Variants in ERCC5 observed in about 807,000 individuals in gnomAD.
ERCC5 encodes DNA excision repair protein ERCC-5.
A neutral mutation model predicts 105.6 loss-of-function variants in ERCC5; 68 were observed. That is an observed-to-expected ratio of 0.64 (90% confidence interval 0.53 to 0.79). The LOEUF (loss-of-function observed/expected upper bound fraction) is 0.79, where lower values mean the gene tolerates loss of function less well. ERCC5 is among the 30% of genes least tolerant of loss of function. ERCC5 has a pLI of 0.00. For missense variants in ERCC5, 1,373 were observed against 1,426.7 expected (o/e 0.96, Z 0.61); for synonymous variants, 546 against 526.2 (o/e 1.04, Z -0.51).
intron 5 of ERCC5, among the ~76,000 whole-genome samples, chr13:102,856,636 A>G (rs1436185255): frequency 6.6e-6 from 1 of 152,138 alleles, no homozygotes; most frequent in African/African-American, 2.4e-5. Context: ...TCTGGGTTCC[A>G]GGGGTAGATG....
Position 102,865,292 on chromosome 13 carries a change from A to G in ERCC5, c.1955-375A>G, listed in dbSNP as rs4771437. ...GTCACAGCTTTATTCTGTGCTGTGT[A>G]AATAGCATAAAAACATACTGAGCAA... On this transcript the variant is annotated intron_variant, in intron 8 of 14. Coordinates refer to ENST00000652225, the MANE Select transcript of ERCC5 (RefSeq NM_000123.4). This position sits in a 1 kb window ranked among gnomAD's most constrained non-coding sequence, Gnocchi z 4.0. 1 allele frequency: 322,687 copies of G among 323,030 alleles called. 161,173 individuals are homozygous for G. The highest frequency in any genetic ancestry group is 1 in the Middle Eastern group (898 of 898). The allele number at this position is 323,030 out of a possible 1,614,324, so 20.0% of individuals were successfully genotyped here.
Position 102,866,737 on chromosome 13 carries a change from G to A in ERCC5, c.2425G>A (p.Asp809Asn). The A allele has an allele frequency of 1.4e-5, 22 of 1,614,250 alleles. No homozygotes were observed. The highest frequency in any genetic ancestry group is 1.9e-5 in the Non-Finnish European group (22 of 1,180,042). Residue 809 changes from aspartate (D) to asparagine (N), a missense_variant, in exon 11 of 15, where the codon GAT becomes AAT. Around this residue, in one of 3 missense-constraint regions of ERCC5, gnomAD observed 1,004 missense variants for 1,059.7 expected, o/e 0.95. Transcript: ENST00000652225. ...LTDQTSGTITDDSDIWLFGAR... is the reference protein window; with the variant it reads ...LTDQTSGTITNDSDIWLFGAR... Reference sequence around the variant, plus strand: ...TGATCAGACTTCCGGAACCATCACTGATGACAGTGATATCTGGCTGTTTGG... The same window carrying A: ...TGATCAGACTTCCGGAACCATCACTAATGACAGTGATATCTGGCTGTTTGG...
At chr13:102,864,554 C>T (rs1566469997) in intron 8 of ERCC5, among the ~76,000 whole-genome samples, 3 of 152,120 alleles carry the variant, frequency 2.0e-5, no homozygotes, top group Non-Finnish European at 4.4e-5. Flanking sequence ...GCCATTGGGG[C>T]TCCTTCTAAT....
At chr13:102,872,717 A>G (rs370141824) in intron 13 of ERCC5, among the ~76,000 whole-genome samples, 1 of 152,174 alleles carries the variant, frequency 6.6e-6, no homozygotes, top group Non-Finnish European at 1.5e-5. Flanking sequence ...AAGCCACTGC[A>G]TCTGGCCCCT....
At chr13:102,868,826 C>T (rs1882936373) in intron 12 of ERCC5, among the ~76,000 whole-genome samples, 1 of 152,232 alleles carries the variant, frequency 6.6e-6, no homozygotes, top group African/African-American at 2.4e-5. Context: ...CAGAGTCGTG[C>T]TATACTCGGG....
chr13:102,849,973 C>T (rs1335789292), intron 1 of ERCC5, among the ~76,000 whole-genome samples: 1 of 151,690 alleles, frequency 6.6e-6, no homozygotes, highest in African/African-American at 2.4e-5. Flanking sequence ...ACAGAGTCTC[C>T]CTCTGTTACG....
intron 1 of ERCC5, among the ~76,000 whole-genome samples, chr13:102,846,617 A>T (rs1057372404): frequency 7.2e-5 from 11 of 152,276 alleles, no homozygotes; most frequent in Admixed American, 3.3e-4. Flanking sequence ...TTTGCATATA[A>T]ACTACCCACT....
In ERCC5 at chr13:102,862,830, C is replaced by T; in HGVS notation, c.1681C>T (p.Leu561Phe). 1 of 1,614,238 alleles carries T rather than the reference C, an allele frequency of 6.2e-7. No homozygotes were observed. Among genetic ancestry groups the T allele is most frequent in the East Asian group, 2.2e-5 (1 of 44,888 alleles). Residue 561 changes from leucine to phenylalanine, a missense_variant, in exon 8 of 15, where the codon CTT (leucine) becomes TTT (phenylalanine). Around this residue, in one of 3 missense-constraint regions of ERCC5, gnomAD observed 1,004 missense variants for 1,059.7 expected, o/e 0.95. Coordinates refer to ENST00000652225, the MANE Select transcript of ERCC5 (RefSeq NM_000123.4). ...TGAGAGTAAATTCGATTCTTCTCTT[C>T]TTTCAAGTGATGATGAAACAAAATG... ...PYESKFDSSLLSSDDETKCKP... is the reference protein window; with the variant it reads ...PYESKFDSSLFSSDDETKCKP...
In ERCC5 at chr13:102,868,795, A is replaced by T. The variant is rs4150346; in HGVS notation, c.2678+538A>T. Among the ~76,000 whole-genome samples, 716 of 152,338 alleles carry T rather than the reference A, an allele frequency of 4.7e-3. 8 individuals are homozygous for T. The highest frequency in any genetic ancestry group is 0.016 in the African/African-American group (665 of 41,568). On this transcript the variant is annotated intron_variant, in intron 12 of 14. Coordinates refer to ENST00000652225, the MANE Select transcript of ERCC5 (RefSeq NM_000123.4). ...AATCCCGTGACGTGTTCAGTGGTGA[A>T]GTCTTGCTCCATCCAGAACCCAGAG... is the stretch of plus-strand genomic sequence containing the variant.
Position 102,865,650 on chromosome 13 carries a change from T to C in ERCC5, c.1955-17T>C, listed in dbSNP as rs1882805305. ...TGTTTTGATTGTAGATGAAGTGACC[T>C]TTTAATTTTGGTACAGGAAGTTTCA... On this transcript the variant is annotated splice_polypyrimidine_tract_variant and intron_variant, in intron 8 of 14. Transcript: ENST00000652225. The surrounding 1 kb of genome is among the most constrained non-coding windows in gnomAD (Gnocchi z 4.0). 1.2e-6 allele frequency: 2 copies of C among 1,612,398 alleles called. No individual in the cohort carries two copies. The highest frequency in any genetic ancestry group is 8.5e-7 in the Non-Finnish European group (1 of 1,179,450).
intron 4 of ERCC5, among the ~76,000 whole-genome samples, chr13:102,854,747 C>G (rs557246608): frequency 6.6e-6 from 1 of 152,348 alleles, no homozygotes; most frequent in Admixed American, 6.5e-5. Flanking sequence ...CCATGACATT[C>G]TTGTTGCTAA....
At position 102,862,866 on chromosome 13, in the gene ERCC5, T is replaced by G. The variant is rs1329145386; in HGVS notation, c.1717T>G (p.Ser573Ala). Residue 573 changes from serine to alanine, a missense_variant, in exon 8 of 15, where the codon TCT (serine) becomes GCT (alanine). Ser to Ala is a moderately conservative substitution (Grantham distance 99, BLOSUM62 1). Transcript: ENST00000652225. ...SDDETKCKPN[S>A]ASEVIGPVSL... ...TGATGAAACAAAATGTAAACCGAAT[T>G]CTGCTTCTGAAGTCATTGGCCCTGT... 1 of 1,614,234 alleles carries G rather than the reference T, an allele frequency of 6.2e-7. No individual in the cohort carries two copies.
intron 5 of ERCC5, among the ~76,000 whole-genome samples, chr13:102,857,307 C>G (rs1349594631): frequency 6.6e-6 from 1 of 152,214 alleles, no homozygotes; most frequent in Non-Finnish European, 1.5e-5. Flanking sequence ...TCAGTCCAGG[C>G]TCCACTGTTC....
rs755909273 is a variant in ERCC5 at position 102,856,146 on chromosome 13, C to G, written c.528+34C>G. ...ATCATTTTTGAATTCAGAATGTATT[C>G]TGTTATTTGAAATGAATGACATGAA... On this transcript the variant is annotated intron_variant, in intron 5 of 14. Coordinates refer to ENST00000652225, the MANE Select transcript of ERCC5 (RefSeq NM_000123.4). 3 of 1,585,302 alleles carry G rather than the reference C, an allele frequency of 1.9e-6. No homozygotes were observed. The African/African-American group carries it at 4.0e-5, about 21-fold the overall frequency.
chr13:102,868,182 C>A lies in ERCC5; in HGVS notation c.2603C>A (p.Thr868Asn), dbSNP rs1268601442. The A allele has an allele frequency of 9.3e-6, 15 of 1,614,050 alleles. No homozygotes were observed. The highest frequency in any genetic ancestry group is 1.7e-5 in the Admixed American group (1 of 60,008). Residue 868 changes from threonine to asparagine, a missense_variant, in exon 12 of 15, where the codon ACT becomes AAT. Transcript: ENST00000652225. ...LGSDYTEGIPTVGCVTAMEIL... is the reference protein window; with the variant it reads ...LGSDYTEGIPNVGCVTAMEIL... ...AGTGATTATACCGAAGGAATACCAA[C>A]TGTGGGTTGTGTAACCGCCATGGAA...
At chr13:102,864,126 C>CCACAGACACA (rs1032920813) in intron 8 of ERCC5, among the ~76,000 whole-genome samples, 35 of 140,976 alleles carry the variant, frequency 2.5e-4, no homozygotes, top group African/African-American at 9.1e-4. Flanking sequence ...AGAGAATCAA[C>CCACAGACACA]CACACACACA....
At chr13:102,855,026 G>C (rs1001953240) in intron 4 of ERCC5, among the ~76,000 whole-genome samples, 3 of 152,060 alleles carry the variant, frequency 2.0e-5, no homozygotes, top group African/African-American at 7.2e-5. Context: ...CTTAGCTTTT[G>C]TATCAGCTCA....
Position 102,865,602 on chromosome 13 carries a change from T to C in ERCC5, c.1955-65T>C. ...TTTTCAGGTTCCTCCAGAAAGCTCT[T>C]GATGATTGCAGGATCATTTTAATGT... On this transcript the variant is annotated intron_variant, in intron 8 of 14. Coordinates refer to ENST00000652225, the MANE Select transcript of ERCC5 (RefSeq NM_000123.4). The surrounding 1 kb of genome is among the most constrained non-coding windows in gnomAD (Gnocchi z 4.0). 1 of 1,597,818 alleles carries C rather than the reference T, an allele frequency of 6.3e-7. No homozygotes were observed. Among genetic ancestry groups the C allele is most frequent in the Non-Finnish European group, 8.5e-7 (1 of 1,172,462 alleles).
At position 102,865,945 on chromosome 13, in the gene ERCC5, T is replaced by C; in HGVS notation, c.2199+34T>C. 2 of 1,613,832 alleles carry C rather than the reference T, an allele frequency of 1.2e-6. No homozygotes were observed. Among genetic ancestry groups the C allele is most frequent in the Non-Finnish European group, 1.7e-6 (2 of 1,180,018 alleles). On this transcript the variant is annotated intron_variant, in intron 9 of 14. Coordinates refer to ENST00000652225, the MANE Select transcript of ERCC5 (RefSeq NM_000123.4). This position sits in a 1 kb window ranked among gnomAD's most constrained non-coding sequence, Gnocchi z 4.0. ...GTAACATTGTGTTTCGACTTCTTGC[T>C]GAGGAAGCCAGGTTAAGTAGGTTTT...
Sources: allele counts gnomAD v4.1 joint callset (sites outside exome capture counted in the v4.1 genomes callset), GRCh38; gene constraint gnomAD v4.1.1; regional missense constraint gnomAD v4.1.1; non-coding constraint Gnocchi (gnomAD v3.1); transcripts MANE v1.5; gene names NCBI Gene and HGNC (gene_info 2026-07-23, HGNC 2026-07-21).